Variants in CTNNA3 observed in about 807,000 individuals in gnomAD.
CTNNA3 encodes the protein catenin alpha 3, also known as catenin alpha-3.
In CTNNA3, 76 loss-of-function variants were observed where a neutral mutation model predicts 95.7. The observed-to-expected ratio is 0.79, with a 90% CI of 0.66 to 0.96. The LOEUF (loss-of-function observed/expected upper bound fraction) is 0.96. Among genes scored for constraint, CTNNA3 ranks in the 40% least tolerant of loss-of-function variants. The probability of loss-of-function intolerance (pLI) is 0.00; values close to 1 mark genes in which losing one functional copy is unlikely to be tolerated. For synonymous variants in CTNNA3, 431 were observed against 374.4 expected (o/e 1.15, Z -1.74); for missense variants, 1,191 against 1,089.8 (o/e 1.09, Z -1.31).
chr10:67,265,786 C>A (rs2132403042), intron 5 of CTNNA3, among the ~76,000 whole-genome samples: 1 of 152,266 alleles, frequency 6.6e-6, no homozygotes, highest in South Asian at 2.1e-4. Flanking sequence ...GTGCAAAAAC[C>A]TGGAAACCAG....
chr10:67,003,729 A>G (rs1423511301), intron 7 of CTNNA3, among the ~76,000 whole-genome samples: 3 of 152,206 alleles, frequency 2.0e-5, no homozygotes, highest in Non-Finnish European at 4.4e-5. Context: ...CCCAGGTCCT[A>G]TTCCTCTAGA....
intron 11 of CTNNA3, among the ~76,000 whole-genome samples, chr10:66,443,793 C>G (rs181644085): frequency 6.6e-6 from 1 of 152,128 alleles, no homozygotes; most frequent in South Asian, 2.1e-4. Context: ...GAACACAGCT[C>G]CTCACCAGCA....
Position 67,456,310 on chromosome 10 carries a change from A to AT in CTNNA3, c.579+65531dup, listed in dbSNP as rs1160712047. Among the ~76,000 whole-genome samples the AT allele has an allele frequency of 9.2e-5, 14 of 152,168 alleles. No individual in the cohort carries two copies. The South Asian group carries it at 2.9e-3, about 31-fold the overall frequency. On this transcript the variant is annotated intron_variant, in intron 5 of 17. Transcript: ENST00000433211. ...CAAGACCTGAATTATATGTTAGTCC[A>AT]TTTAGTACAAAGTAACCATCAAAAT...
intron 11 of CTNNA3, among the ~76,000 whole-genome samples, chr10:66,455,499 A>G (rs1203339456): frequency 6.6e-6 from 1 of 151,940 alleles, no homozygotes; most frequent in African/African-American, 2.4e-5. Context: ...AACAGAACCA[A>G]CCTCTAGGTG....
At chr10:67,754,230 C>T (rs1430860408) in intron 1 of CTNNA3, among the ~76,000 whole-genome samples, 1 of 152,048 alleles carries the variant, frequency 6.6e-6, no homozygotes, top group Non-Finnish European at 1.5e-5. Context: ...AACCAAATAC[C>T]GCATGTACAA....
At chr10:67,396,011 C>A (rs148693893) in intron 5 of CTNNA3, among the ~76,000 whole-genome samples, 2 of 152,132 alleles carry the variant, frequency 1.3e-5, no homozygotes, top group African/African-American at 2.4e-5. Context: ...AAAAACATCA[C>A]TTTAAATGTA....
At chr10:66,410,393 C>T (rs1396642628) in intron 11 of CTNNA3, among the ~76,000 whole-genome samples, 1 of 152,090 alleles carries the variant, frequency 6.6e-6, no homozygotes, top group Non-Finnish European at 1.5e-5. Flanking sequence ...CTAGAAAAAC[C>T]AAAGGGGCAT....
chr10:67,212,116 A>C (rs74142427), intron 6 of CTNNA3, among the ~76,000 whole-genome samples: 6,568 of 152,042 alleles, frequency 0.043, 182 homozygotes, highest in South Asian at 0.088. Flanking sequence ...CAGATTTACC[A>C]CCCATTTTAA....
At chr10:67,117,341 G>A (rs191466422) in intron 7 of CTNNA3, among the ~76,000 whole-genome samples, 8 of 151,666 alleles carry the variant, frequency 5.3e-5, no homozygotes, top group African/African-American at 1.9e-4. Context: ...CGATAGCTTC[G>A]CTGATGAATA....
intron 5 of CTNNA3, among the ~76,000 whole-genome samples, chr10:67,381,786 C>T (rs2394381): frequency 0.052 from 7,880 of 152,218 alleles, 244 homozygotes; most frequent in South Asian, 0.096. Flanking sequence ...GAATTGAAAA[C>T]GCTCACTCAG....
intron 5 of CTNNA3, among the ~76,000 whole-genome samples, chr10:67,288,408 C>A (rs545247921): frequency 6.6e-6 from 1 of 152,224 alleles, no homozygotes; most frequent in Non-Finnish European, 1.5e-5. Context: ...TCATTTATTA[C>A]CAATGCAACC....
intron 3 of CTNNA3, among the ~76,000 whole-genome samples, chr10:67,598,599 T>A (rs1842992924): frequency 6.6e-6 from 1 of 151,926 alleles, no homozygotes; most frequent in Admixed American, 6.6e-5. Flanking sequence ...CCAAAACAAC[T>A]ATTTCAAGGC....
intron 13 of CTNNA3, among the ~76,000 whole-genome samples, chr10:66,214,651 T>C (rs2088395814): frequency 1.3e-5 from 2 of 151,978 alleles, no homozygotes; most frequent in African/African-American, 2.4e-5. Flanking sequence ...ATATATTATA[T>C]TTAATTAGTG....
At chr10:66,639,679 G>A (rs920942225) in intron 9 of CTNNA3, among the ~76,000 whole-genome samples, 17 of 152,024 alleles carry the variant, frequency 1.1e-4, no homozygotes, top group African/African-American at 3.4e-4. Context: ...AAAACTTGAA[G>A]TATTTATTTA....
intron 7 of CTNNA3, chr10:67,176,896 C>A (rs553428015): frequency 6.1e-6 from 3 of 490,802 alleles, no homozygotes; most frequent in African/African-American, 5.8e-5. Flanking sequence ...ATAATGGACT[C>A]TTCCCTAGAG....
At chr10:67,733,570 A>G (rs568557847) in intron 1 of CTNNA3, among the ~76,000 whole-genome samples, 5 of 152,288 alleles carry the variant, frequency 3.3e-5, no homozygotes, top group Non-Finnish European at 7.4e-5. Context: ...CTGGCCCTAA[A>G]TTATACTCAC....
chr10:66,101,971 A>G (rs1191221894), intron 14 of CTNNA3, among the ~76,000 whole-genome samples: 1 of 152,212 alleles, frequency 6.6e-6, no homozygotes, highest in Non-Finnish European at 1.5e-5. Context: ...TGTGAGGAAT[A>G]TCAACATTTT....
intron 12 of CTNNA3, among the ~76,000 whole-genome samples, chr10:66,313,932 A>AG (rs1376105397): frequency 6.6e-6 from 1 of 152,192 alleles, no homozygotes; most frequent in Admixed American, 6.5e-5. Context: ...GTAAAATGGG[A>AG]GGCCCTCAGA....
chr10:66,803,568 T>C (rs372504575), intron 7 of CTNNA3, among the ~76,000 whole-genome samples: 2 of 128,564 alleles, frequency 1.6e-5, no homozygotes, highest in Non-Finnish European at 3.3e-5. Context: ...TAGCTACAGA[T>C]CCTATAAAGC....
Sources: allele counts gnomAD v4.1 joint callset (sites outside exome capture counted in the v4.1 genomes callset), GRCh38; gene constraint gnomAD v4.1.1; transcripts MANE v1.5; gene names NCBI Gene and HGNC (gene_info 2026-07-23, HGNC 2026-07-21).